FAAH2: variants seen among roughly 807,000 people sequenced by gnomAD.
FAAH2 encodes fatty acid amide hydrolase 2.
In FAAH2, 60 loss-of-function variants were observed where a neutral mutation model predicts 36.9. The ratio of observed to expected loss-of-function variants is 1.63; its 90% CI spans 1.32 to 2.02. The LOEUF (loss-of-function observed/expected upper bound fraction) is 2.02. Among genes scored for constraint, FAAH2 ranks in the 30% most tolerant of loss-of-function variants. FAAH2 has a pLI of 0.00. For synonymous variants in FAAH2, 214 were observed against 143.8 expected, an observed-to-expected ratio of 1.49 and a Z score of -3.49; for missense variants, 689 against 397.5, an observed-to-expected ratio of 1.73 and a Z score of -6.23.
rs916210200 is a variant in FAAH2, at chrX:57,421,501, G to A, written c.997-10417G>A. Among the ~76,000 whole-genome samples, 3 of 111,492 alleles carry A rather than the reference G, an allele frequency of 2.7e-5. No individual in the cohort carries two copies. In the East Asian group the frequency reaches 8.4e-4, roughly 31 times the overall value. ...GATATCACGGTGCCAGTATGGTCAG[G>A]TTTTGGTGAAGGCTCTCTTCCTGGC... On this transcript the variant is annotated intron_variant, in intron 7 of 10. Coordinates refer to ENST00000374900, the MANE Select transcript of FAAH2 (RefSeq NM_174912.4).
chrX:57,189,995 G>A, the FAAH2 span, among the ~76,000 whole-genome samples: 24,533 of 111,347 alleles, frequency 0.22, 2,347 homozygotes, highest in Middle Eastern at 0.55. Flanking sequence ...TGCTGAAGCC[G>A]CGCCCACAGC....
rs150823393 is a variant in FAAH2, at chrX:57,470,577, A to G, written c.1424-18180A>G. On this transcript the variant is annotated intron_variant, in intron 10 of 10. Transcript: ENST00000374900. ...ACATGAATCCCTGAATAGACCAAAA[A>G]CAGGCTCTGAAATTGAGGCAATAAT... Among the ~76,000 whole-genome samples, 475 of 111,250 alleles carry G rather than the reference A, an allele frequency of 4.3e-3. 3 individuals carry two copies. The highest frequency in any genetic ancestry group is 0.015 in the African/African-American group (456 of 30,593).
chrX:57,353,509 A>G (rs1229516826), intron 5 of FAAH2, among the ~76,000 whole-genome samples: 1 of 108,759 alleles, frequency 9.2e-6, no homozygotes, highest in African/African-American at 3.3e-5. Context: ...AAGAAAAAAA[A>G]GAAAACCAAG....
the FAAH2 span, among the ~76,000 whole-genome samples, chrX:57,163,697 G>A: frequency 5.3e-5 from 6 of 112,351 alleles, no homozygotes; most frequent in Admixed American, 5.6e-4. Flanking sequence ...CTCAAGTGAG[G>A]CAATGCCTCG....
At chrX:57,231,455 C>T in the FAAH2 span, among the ~76,000 whole-genome samples, 334 of 111,635 alleles carry the variant, frequency 3.0e-3, 1 homozygote, top group African/African-American at 9.7e-3. Context: ...TAGTTCCTCA[C>T]TATTTTGCCT....
At position 57,440,030 on chromosome X, in the gene FAAH2, C is replaced by T. The variant is rs369981104; in HGVS notation, c.1117-6898C>T. Among the ~76,000 whole-genome samples the T allele has an allele frequency of 8.1e-5, 9 of 111,289 alleles. No homozygotes were observed. The East Asian group carries it at 2.5e-3, about 32-fold the overall frequency. ...CCTTGTAGTATAGTTTGAAGTCAGGCAGCGTGATGCCTCCAGCTTTGTTCT... is the reference window on the plus strand; with the variant it reads ...CCTTGTAGTATAGTTTGAAGTCAGGTAGCGTGATGCCTCCAGCTTTGTTCT... On this transcript the variant is annotated intron_variant, in intron 8 of 10. Coordinates refer to ENST00000374900, the MANE Select transcript of FAAH2 (RefSeq NM_174912.4).
chrX:57,185,365 A>T, the FAAH2 span, among the ~76,000 whole-genome samples: 1 of 111,011 alleles, frequency 9.0e-6, no homozygotes, highest in Non-Finnish European at 1.9e-5. Context: ...GGTTTACTTC[A>T]TTTAGTAAAA....
At chrX:57,149,287 G>A in the FAAH2 span, among the ~76,000 whole-genome samples, 1 of 111,619 alleles carries the variant, frequency 9.0e-6, no homozygotes, top group African/African-American at 3.3e-5. Flanking sequence ...GAGTTAGGGA[G>A]GATTCCCTGT....
chrX:57,214,698 T>C, the FAAH2 span, among the ~76,000 whole-genome samples: 1 of 111,805 alleles, frequency 8.9e-6, no homozygotes, highest in African/African-American at 3.3e-5. Context: ...TGGAGTATGA[T>C]ACATGAAGCA....
chrX:57,300,429 C>T (rs1264397801), intron 2 of FAAH2, among the ~76,000 whole-genome samples: 1 of 111,951 alleles, frequency 8.9e-6, no homozygotes, highest in Non-Finnish European at 1.9e-5. Flanking sequence ...AAATTGGATC[C>T]TTTCCTTACA....
chrX:57,340,898 G>T (rs946069547), intron 4 of FAAH2, among the ~76,000 whole-genome samples: 1 of 109,954 alleles, frequency 9.1e-6, no homozygotes, highest in Admixed American at 9.7e-5. Flanking sequence ...ACCATGGCAC[G>T]CATATACCTG....
intron 4 of FAAH2, among the ~76,000 whole-genome samples, chrX:57,332,360 T>C (rs1225324234): frequency 1.8e-5 from 2 of 112,403 alleles, no homozygotes; most frequent in African/African-American, 6.5e-5. Flanking sequence ...GTTTCTGGTC[T>C]AGCATATATG....
the FAAH2 span, among the ~76,000 whole-genome samples, chrX:57,211,673 A>G: frequency 8.9e-6 from 1 of 112,031 alleles, no homozygotes; most frequent in East Asian, 2.8e-4. Context: ...GTGCTTGTGA[A>G]TGAGACAAGC....
the FAAH2 span, among the ~76,000 whole-genome samples, chrX:57,138,543 G>A: frequency 3.6e-5 from 4 of 111,035 alleles, no homozygotes; most frequent in African/African-American, 6.6e-5. Flanking sequence ...ATAGCTCGTT[G>A]ATATGCTGAT....
chrX:57,427,999 A>C (rs1214321549), intron 7 of FAAH2, among the ~76,000 whole-genome samples: 1 of 111,598 alleles, frequency 9.0e-6, no homozygotes, highest in Non-Finnish European at 1.9e-5. Context: ...TACATAGAAA[A>C]CTTTAAAGAC....
At chrX:57,201,168 A>G in the FAAH2 span, among the ~76,000 whole-genome samples, 7 of 110,214 alleles carry the variant, frequency 6.4e-5, no homozygotes, top group Non-Finnish European at 1.9e-5. Flanking sequence ...CATGCCTGTA[A>G]TCCCAGCACT....
At chrX:57,265,814 C>T in the FAAH2 span, among the ~76,000 whole-genome samples, 1 of 111,678 alleles carries the variant, frequency 9.0e-6, no homozygotes, top group Non-Finnish European at 1.9e-5. Flanking sequence ...AGTGGTACAC[C>T]AGCACAGCAC....
At chrX:57,256,432 A>C in the FAAH2 span, among the ~76,000 whole-genome samples, 25 of 112,007 alleles carry the variant, frequency 2.2e-4, no homozygotes, top group African/African-American at 6.8e-4. Context: ...TTTATAGTTC[A>C]TATGAAATCA....
At chrX:57,449,663 CT>C (rs1288495135) in intron 10 of FAAH2, among the ~76,000 whole-genome samples, 3 of 110,504 alleles carry the variant, frequency 2.7e-5, no homozygotes, top group Non-Finnish European at 5.7e-5. Context: ...TCCTTCCTTC[CT>C]TCCTTGCTTC....
Sources: gnomAD v4.1 joint callset for allele counts (sites outside exome capture counted in the v4.1 genomes callset) on GRCh38, gnomAD v4.1.1 for gene constraint, MANE v1.5 for transcripts, NCBI Gene and HGNC (gene_info 2026-07-23, HGNC 2026-07-21) for gene names.